The following DNAJC6 variants were observed in gnomAD, a reference collection of about 807,000 sequenced individuals.
DNAJC6 encodes the protein auxilin.
In DNAJC6, 34 loss-of-function variants were observed where a neutral mutation model predicts 110.0. The observed-to-expected ratio is 0.31, with a 90% CI of 0.24 to 0.41. DNAJC6 has a LOEUF of 0.41. Among genes scored for constraint, DNAJC6 ranks in the 10% least tolerant of loss-of-function variants. The pLI is 1.00. For missense variants in DNAJC6, 1,031 were observed against 1,207.8 expected (o/e 0.85, Z 2.17); for synonymous variants, 406 against 437.2 (o/e 0.93, Z 0.89).
intron 1 of DNAJC6, among the ~76,000 whole-genome samples, chr1:65,294,216 C>T (rs1373656329): frequency 6.6e-6 from 1 of 152,098 alleles, no homozygotes; most frequent in Non-Finnish European, 1.5e-5. Flanking sequence ...ACCTATTGCC[C>T]ACCAATCCAG....
intron 1 of DNAJC6, among the ~76,000 whole-genome samples, chr1:65,273,808 C>G (rs1175536610): frequency 6.6e-6 from 1 of 151,950 alleles, no homozygotes; most frequent in African/African-American, 2.4e-5. Context: ...CCATTGATTT[C>G]TAGCTTGCTT....
intron 1 of DNAJC6, among the ~76,000 whole-genome samples, chr1:65,293,579 G>T (rs1345690094): frequency 6.6e-6 from 1 of 152,100 alleles, no homozygotes; most frequent in African/African-American, 2.4e-5. Context: ...CCTACCTCTT[G>T]GTGAGAAGAA....
intron 1 of DNAJC6, among the ~76,000 whole-genome samples, chr1:65,334,066 T>G (rs1379579430): frequency 1.3e-5 from 2 of 152,198 alleles, no homozygotes; most frequent in Non-Finnish European, 2.9e-5. Context: ...TATCGTTAGG[T>G]TAATGTAACT....
At chr1:65,401,625 T>C in intron 14 of DNAJC6, 136 bp from the exon 15 acceptor site, 1 of 1,251,326 alleles carries the variant, frequency 8.0e-7, no homozygotes, top group Non-Finnish European at 1.1e-6. Flanking sequence ...AAACAGGGTC[T>C]AGCAACTTCT....
At chr1:65,269,481 T>C (rs1417466626) in intron 1 of DNAJC6, among the ~76,000 whole-genome samples, 2 of 152,186 alleles carry the variant, frequency 1.3e-5, no homozygotes, top group Non-Finnish European at 1.5e-5. Flanking sequence ...TTTTAGGCTC[T>C]AAATATTAAA....
At chr1:65,336,874 T>C (rs1645342022) in intron 1 of DNAJC6, among the ~76,000 whole-genome samples, 1 of 152,238 alleles carries the variant, frequency 6.6e-6, no homozygotes, top group Admixed American at 6.5e-5. Context: ...CCTGATTCTT[T>C]TAAGTGGGAA....
intron 1 of DNAJC6, among the ~76,000 whole-genome samples, chr1:65,269,349 C>A (rs1210488176): frequency 1.4e-5 from 2 of 147,636 alleles, no homozygotes; most frequent in African/African-American, 2.5e-5. Flanking sequence ...GCTTGGGTGA[C>A]AGAGTGAGAC....
At chr1:65,386,669 T>A (rs1329543005) in intron 7 of DNAJC6, 143 bp from the exon 8 acceptor site, 1 of 671,192 alleles carries the variant, frequency 1.5e-6, no homozygotes, top group African/African-American at 1.8e-5. Flanking sequence ...ACTCCTGTTT[T>A]TGCTCAAGAT....
chr1:65,292,333 G>GTTTT (rs1020271408), intron 1 of DNAJC6, among the ~76,000 whole-genome samples: 1 of 127,580 alleles, frequency 7.8e-6, no homozygotes, highest in Non-Finnish European at 1.7e-5. Flanking sequence ...TTTTTTTTTT[G>GTTTT]TTTTTTTTTT....
At chr1:65,272,025 T>G (rs1653522902) in intron 1 of DNAJC6, among the ~76,000 whole-genome samples, 1 of 152,232 alleles carries the variant, frequency 6.6e-6, no homozygotes, top group African/African-American at 2.4e-5. Context: ...GACAGCTTTT[T>G]CTTCTTTCTG....
intron 4 of DNAJC6, 141 bp from the exon 5 acceptor site, chr1:65,379,261 T>G: frequency 1.0e-6 from 1 of 995,704 alleles, no homozygotes; most frequent in Non-Finnish European, 1.4e-6. Flanking sequence ...TCTTCATGCA[T>G]TTGGACCCTG....
intron 1 of DNAJC6, chr1:65,278,851 G>C (rs1302900936): frequency 1.8e-6 from 1 of 564,276 alleles, no homozygotes; most frequent in East Asian, 1.5e-4. Flanking sequence ...CTAACTCATT[G>C]ATCAGGAAAG....
At chr1:65,269,254 G>C (rs1341119505) in intron 1 of DNAJC6, among the ~76,000 whole-genome samples, 2 of 151,944 alleles carry the variant, frequency 1.3e-5, no homozygotes, top group African/African-American at 4.8e-5. Flanking sequence ...TGTAATCCCA[G>C]CTACTGGGGA....
intron 1 of DNAJC6, among the ~76,000 whole-genome samples, chr1:65,363,640 A>C (rs1296572156): frequency 6.6e-6 from 1 of 152,088 alleles, no homozygotes; most frequent in Non-Finnish European, 1.5e-5. Flanking sequence ...GTCACAACTC[A>C]GAGGTGGAGT....
chr1:65,275,503 C>G (rs546263858), intron 1 of DNAJC6, among the ~76,000 whole-genome samples: 1 of 152,134 alleles, frequency 6.6e-6, no homozygotes, highest in African/African-American at 2.4e-5. Flanking sequence ...GTTGTTAAGA[C>G]TTTTCTCAAT....
intron 1 of DNAJC6, among the ~76,000 whole-genome samples, chr1:65,335,433 A>G (rs1355555897): frequency 6.6e-6 from 1 of 152,036 alleles, no homozygotes; most frequent in Non-Finnish European, 1.5e-5. Context: ...CCTTTTATGG[A>G]GCTTCTTTTG....
intron 1 of DNAJC6, among the ~76,000 whole-genome samples, chr1:65,315,284 TG>T (rs1379793720): frequency 1.4e-4 from 18 of 132,618 alleles, no homozygotes; most frequent in South Asian, 2.3e-4. Flanking sequence ...TTGAGAATAA[TG>T]TTTTTTTTTT....
Position 65,389,556 on chromosome 1 carries a change from C to T in DNAJC6, c.1397C>T (p.Pro466Leu). 1 of 1,614,148 alleles carries T rather than the reference C, an allele frequency of 6.2e-7. No individual in the cohort carries two copies. The highest frequency in any genetic ancestry group is 8.5e-7 in the Non-Finnish European group (1 of 1,180,018). The change falls in exon 11 of 19, where the codon CCA becomes CTA. Residue 466 changes from proline (P) to leucine (L), a missense_variant. By Grantham distance (98) the Pro-to-Leu change is moderately conservative (BLOSUM62 -3). Coordinates refer to ENST00000371069, the MANE Select transcript of DNAJC6 (RefSeq NM_001256864.2). ...QDTLALGGQA[P>L]IDIPPDNPRH... ...TCTTTTTGTCTTGCAGGACAGGCTC[C>T]AATAGATATCCCTCCAGACAACCCC... is the stretch of plus-strand genomic sequence containing the variant.
intron 5 of DNAJC6, among the ~76,000 whole-genome samples, chr1:65,382,567 T>A (rs907481026): frequency 1.3e-5 from 2 of 152,186 alleles, no homozygotes; most frequent in African/African-American, 4.8e-5. Flanking sequence ...AAATGTAAAG[T>A]CCTGAATTCT....
Sources: gnomAD v4.1 joint callset for allele counts (sites outside exome capture counted in the v4.1 genomes callset) on GRCh38, gnomAD v4.1.1 for gene constraint, MANE v1.5 for transcripts, NCBI Gene and HGNC (gene_info 2026-07-23, HGNC 2026-07-21) for gene names.